CDK8: variants seen among roughly 807,000 people sequenced by gnomAD.
The protein encoded by CDK8 is cyclin dependent kinase 8.
Under a neutral mutation model 71.5 loss-of-function variants are expected in CDK8, and 29 were observed. The observed-to-expected ratio is 0.41, with a 90% confidence interval of 0.30 to 0.55. The LOEUF (loss-of-function observed/expected upper bound fraction) is 0.55. CDK8 is among the 20% of genes least tolerant of loss of function. The probability of loss-of-function intolerance (pLI) is 0.37; values close to 1 mark genes in which losing one functional copy is unlikely to be tolerated. For synonymous variants in CDK8, 161 were observed against 192.1 expected (o/e 0.84, Z 1.34); for missense variants, 288 against 572.6 (o/e 0.50, Z 5.07).
intron 9 of CDK8, among the ~76,000 whole-genome samples, chr13:26,398,004 A>G (rs1181558868): frequency 3.9e-5 from 6 of 152,168 alleles, no homozygotes; most frequent in African/African-American, 1.4e-4. Context: ...TTCACCTTGA[A>G]GAGGTTAACC....
At chr13:26,341,778 A>G (rs1277638307) in intron 2 of CDK8, among the ~76,000 whole-genome samples, 2 of 152,184 alleles carry the variant, frequency 1.3e-5, no homozygotes, top group African/African-American at 4.8e-5. Context: ...CAGCTGGAAT[A>G]AATTAAATTT....
At position 26,404,821 on chromosome 13, in the gene CDK8, C is replaced by G. The variant is rs775546607; in HGVS notation, c.*740C>G. 1.8e-5 allele frequency: 4 copies of G among 216,690 alleles called. No individual in the cohort carries two copies. The highest frequency in any genetic ancestry group is 3.7e-5 in the Non-Finnish European group (4 of 107,842). 13.4% of individuals were successfully genotyped at this position (216,690 alleles called of 1,614,324 possible). On this transcript the variant is annotated 3_prime_UTR_variant, in exon 13 of 13. Transcript: ENST00000381527. ...ATTGATATAAACCTGTTTGGTTCAG[C>G]AAACAAACTAAAATGATTGTCATAG...
intron 1 of CDK8, among the ~76,000 whole-genome samples, chr13:26,260,419 A>C (rs1487222765): frequency 6.6e-6 from 1 of 152,134 alleles, no homozygotes; most frequent in Non-Finnish European, 1.5e-5. Context: ...AGACTCTCTC[A>C]TGTGTAAAAC....
intron 2 of CDK8, among the ~76,000 whole-genome samples, chr13:26,342,830 G>A (rs73160330): frequency 0.068 from 10,339 of 152,246 alleles, 385 homozygotes; most frequent in South Asian, 0.14. Flanking sequence ...AATACTACAG[G>A]CTGGGTGGCT....
At chr13:26,315,989 AT>A (rs956691013) in intron 1 of CDK8, among the ~76,000 whole-genome samples, 2 of 152,120 alleles carry the variant, frequency 1.3e-5, no homozygotes, top group Non-Finnish European at 2.9e-5. Context: ...GTTTCAGTCA[AT>A]TTCACTCTTA....
chr13:26,290,728 T>C (rs1007092288), intron 1 of CDK8, among the ~76,000 whole-genome samples: 1 of 152,156 alleles, frequency 6.6e-6, no homozygotes, highest in Non-Finnish European at 1.5e-5. Flanking sequence ...AGAAAAAACA[T>C]TTTTTAAAGA....
intron 1 of CDK8, among the ~76,000 whole-genome samples, chr13:26,280,465 C>T (rs1872699640): frequency 6.6e-6 from 1 of 152,142 alleles, no homozygotes; most frequent in South Asian, 2.1e-4. Flanking sequence ...CATAGTGACT[C>T]AACATTGGAA....
chr13:26,335,677 T>G (rs1872945926), intron 1 of CDK8, among the ~76,000 whole-genome samples: 1 of 152,136 alleles, frequency 6.6e-6, no homozygotes, highest in African/African-American at 2.4e-5. Context: ...CAGAAATCAT[T>G]GTCTTTAACT....
chr13:26,397,320 G>A, intron 9 of CDK8, 95 bp downstream of exon 9: 1 of 715,914 alleles, frequency 1.4e-6, no homozygotes, highest in Non-Finnish European at 2.4e-6. Context: ...TGGTTACTTA[G>A]CTAGCACTCA....
At chr13:26,271,421 A>T (rs921177176) in intron 1 of CDK8, among the ~76,000 whole-genome samples, 3 of 152,176 alleles carry the variant, frequency 2.0e-5, no homozygotes, top group Admixed American at 2.0e-4. Context: ...TATTGTATTG[A>T]CTATTATAGG....
chr13:26,383,314 C>T (rs1875320908), intron 5 of CDK8, among the ~76,000 whole-genome samples: 1 of 152,166 alleles, frequency 6.6e-6, no homozygotes, highest in Non-Finnish European at 1.5e-5. Context: ...TAGGGAAAAC[C>T]ATGAGGCTGG....
At chr13:26,268,643 T>G (rs1016999371) in intron 1 of CDK8, among the ~76,000 whole-genome samples, 3 of 152,146 alleles carry the variant, frequency 2.0e-5, no homozygotes, top group Non-Finnish European at 4.4e-5. Context: ...CTGTGTATTT[T>G]AGATTACTGG....
At chr13:26,286,005 C>T (rs1469607587) in intron 1 of CDK8, among the ~76,000 whole-genome samples, 3 of 152,130 alleles carry the variant, frequency 2.0e-5, no homozygotes, top group Admixed American at 6.5e-5. Context: ...TGAAAGAAAT[C>T]ATAGATGACT....
intron 4 of CDK8, among the ~76,000 whole-genome samples, chr13:26,367,608 A>T (rs1200131748): frequency 6.6e-6 from 1 of 152,208 alleles, no homozygotes; most frequent in Non-Finnish European, 1.5e-5. Flanking sequence ...ATGTTCATTA[A>T]GTACATTTCA....
intron 1 of CDK8, among the ~76,000 whole-genome samples, chr13:26,325,562 T>C (rs1402301943): frequency 6.6e-6 from 1 of 152,116 alleles, no homozygotes; most frequent in Non-Finnish European, 1.5e-5. Flanking sequence ...AAAGAGCAAG[T>C]TCTTTATAGG....
intron 1 of CDK8, among the ~76,000 whole-genome samples, chr13:26,335,121 C>T (rs918403354): frequency 6.6e-6 from 1 of 152,098 alleles, no homozygotes; most frequent in Non-Finnish European, 1.5e-5. Context: ...ATAACTCTAA[C>T]CTCGTGTATT....
At chr13:26,315,570 T>C (rs1044790952) in intron 1 of CDK8, among the ~76,000 whole-genome samples, 3 of 152,192 alleles carry the variant, frequency 2.0e-5, no homozygotes, top group African/African-American at 7.2e-5. Flanking sequence ...CCTAAGACAA[T>C]TGTAAATGAT....
intron 4 of CDK8, among the ~76,000 whole-genome samples, chr13:26,370,770 T>G (rs944650361): frequency 1.1e-4 from 16 of 152,188 alleles, no homozygotes; most frequent in African/African-American, 3.9e-4. Context: ...TAAAAGAGCC[T>G]TGATAAGATA....
chr13:26,383,506 G>T (rs1401290098), intron 5 of CDK8, among the ~76,000 whole-genome samples: 1 of 152,044 alleles, frequency 6.6e-6, no homozygotes, highest in Non-Finnish European at 1.5e-5. Context: ...TATTTAATCT[G>T]ATTTTTTTTC....
Sources: allele counts gnomAD v4.1 joint callset (sites outside exome capture counted in the v4.1 genomes callset), GRCh38; gene constraint gnomAD v4.1.1; transcripts MANE v1.5; gene names NCBI Gene and HGNC (gene_info 2026-07-23, HGNC 2026-07-21).